Variants in PCDH15 observed in about 807,000 individuals in gnomAD.
The protein encoded by PCDH15 is protocadherin-15.
Under a neutral mutation model 178.5 loss-of-function variants are expected in PCDH15, and 129 were observed. The ratio of observed to expected loss-of-function variants is 0.72; its 90% CI spans 0.63 to 0.84. PCDH15 has a LOEUF of 0.84. Ranked by LOEUF, PCDH15 falls within the 40% of genes least tolerant of loss-of-function variation. PCDH15 has a pLI of 0.00. For missense variants in PCDH15, 2,230 were observed against 2,099.9 expected (o/e 1.06, Z -1.21); for synonymous variants, 800 against 732.0 (o/e 1.09, Z -1.50).
chr10:54,933,576 A>C lies in PCDH15; in HGVS notation c.-79-36076T>G, dbSNP rs139853575. ...CCTTGAAAATTTGTCTGATACAGGA[A>C]ATTTATCAGCATAAAGCTAATTGCC... On this transcript the variant is annotated intron_variant, in intron 2 of 5. Transcript: ENST00000458638. Among the ~76,000 whole-genome samples, 1,236 of 152,266 alleles carry C rather than the reference A, an allele frequency of 8.1e-3. 13 individuals are homozygous for C. The highest frequency in any genetic ancestry group is 0.028 in the African/African-American group (1,180 of 41,566).
chr10:54,443,345 G>T (rs9416357), intron 3 of PCDH15, among the ~76,000 whole-genome samples: 108,509 of 151,154 alleles, frequency 0.72, 40,228 homozygotes, highest in African/African-American at 0.82. Flanking sequence ...ACTCATCTTC[G>T]GAAGCCCCTG....
At chr10:54,497,042 T>C (rs1354242367) in intron 3 of PCDH15, among the ~76,000 whole-genome samples, 1 of 151,240 alleles carries the variant, frequency 6.6e-6, no homozygotes, top group Non-Finnish European at 1.5e-5. Flanking sequence ...CTTGTGGGAG[T>C]GTTACTGCCA....
At chr10:55,072,532 C>T (rs1163687215) in intron 2 of PCDH15, among the ~76,000 whole-genome samples, 1 of 152,086 alleles carries the variant, frequency 6.6e-6, no homozygotes, top group Non-Finnish European at 1.5e-5. Context: ...CATACACCCT[C>T]CCAAGACTAA....
chr10:54,086,020 C>T (rs145147434), intron 16 of PCDH15, among the ~76,000 whole-genome samples: 26 of 152,070 alleles, frequency 1.7e-4, no homozygotes, highest in African/African-American at 4.8e-4. Flanking sequence ...TGAGGTAGAA[C>T]ATTGTTTATT....
intron 1 of PCDH15, among the ~76,000 whole-genome samples, chr10:54,730,904 G>A (rs534634673): frequency 6.6e-6 from 1 of 151,400 alleles, no homozygotes; most frequent in African/African-American, 2.4e-5. Context: ...GCAAAATATA[G>A]ACATATGAAA....
At chr10:55,448,516 C>T (rs1839366019) in intron 2 of PCDH15, among the ~76,000 whole-genome samples, 3 of 151,630 alleles carry the variant, frequency 2.0e-5, no homozygotes, top group African/African-American at 7.3e-5. Flanking sequence ...GACAAAAACA[C>T]AATTTTTTTC....
intron 2 of PCDH15, among the ~76,000 whole-genome samples, chr10:55,568,760 T>C (rs933681095): frequency 6.6e-6 from 1 of 152,036 alleles, no homozygotes; most frequent in Non-Finnish European, 1.5e-5. Flanking sequence ...GAAAATGTAA[T>C]TTTTTGAGTC....
rs926285391 is a variant in PCDH15, at chr10:54,217,805, A to G, written c.986-3757T>C. ...GAGAGAGAGAGCTGATTTCAGGTCC[A>G]GGGCAGAAAATCAACAAATAGCTGT... On this transcript the variant is annotated intron_variant, in intron 9 of 37. Transcript: ENST00000644397. Among the ~76,000 whole-genome samples, 9 of 152,348 alleles carry G rather than the reference A, an allele frequency of 5.9e-5. 1 individual carries two copies. The South Asian group carries it at 1.9e-3, about 32-fold the overall frequency.
intron 3 of PCDH15, among the ~76,000 whole-genome samples, chr10:54,893,014 G>A (rs1954488483): frequency 6.6e-6 from 1 of 151,736 alleles, no homozygotes; most frequent in African/African-American, 2.4e-5. Flanking sequence ...TTCATGACAA[G>A]GAAATATAGA....
chr10:54,467,195 G>A (rs979466052), intron 3 of PCDH15, among the ~76,000 whole-genome samples: 1 of 151,692 alleles, frequency 6.6e-6, no homozygotes, highest in African/African-American at 2.4e-5. Context: ...GTACTATGAT[G>A]AACTGCAGTT....
intron 2 of PCDH15, among the ~76,000 whole-genome samples, chr10:55,063,626 T>G (rs1841494867): frequency 6.6e-6 from 1 of 152,152 alleles, no homozygotes; most frequent in African/African-American, 2.4e-5. Flanking sequence ...AGGGCATATT[T>G]CTTGTATTAT....
intron 18 of PCDH15, among the ~76,000 whole-genome samples, chr10:54,049,772 C>A (rs571140067): frequency 6.6e-6 from 1 of 152,208 alleles, no homozygotes; most frequent in South Asian, 2.1e-4. Flanking sequence ...AAGCACCCGC[C>A]ACCAAGCCTG....
At position 55,602,488 on chromosome 10, in the gene PCDH15, G is replaced by C. The variant is rs555455431; in HGVS notation, c.-156+25137C>G. ...AACCTCTGCAGACTTAAATGTCCCT[G>C]TCTGACAGCTTTGAAGAGAGCAGTG... On this transcript the variant is annotated intron_variant, in intron 2 of 5. Transcript: ENST00000613346. Among the ~76,000 whole-genome samples, 4 of 152,216 alleles carry C rather than the reference G, an allele frequency of 2.6e-5. 1 individual carries two copies. The South Asian group carries it at 8.3e-4, about 32-fold the overall frequency.
intron 26 of PCDH15, among the ~76,000 whole-genome samples, chr10:53,877,797 C>T (rs16937808): frequency 0.014 from 2,122 of 152,214 alleles, 41 homozygotes; most frequent in African/African-American, 0.048. Context: ...TACTTCCAGT[C>T]CATCAGCAAG....
At chr10:54,836,211 A>G (rs370044992) in intron 3 of PCDH15, among the ~76,000 whole-genome samples, 18 of 152,178 alleles carry the variant, frequency 1.2e-4, no homozygotes, top group East Asian at 7.7e-4. Context: ...TGAAGAACAG[A>G]GTCTAACTCT....
chr10:54,167,705 T>C (rs2046372653), intron 13 of PCDH15, among the ~76,000 whole-genome samples: 1 of 114,922 alleles, frequency 8.7e-6, no homozygotes, highest in African/African-American at 3.3e-5. Flanking sequence ...GTCCCGCTTT[T>C]CTACAGGGCA....
chr10:54,294,415 T>C (rs574348920), intron 8 of PCDH15, among the ~76,000 whole-genome samples: 9 of 152,310 alleles, frequency 5.9e-5, no homozygotes, highest in African/African-American at 2.2e-4. Flanking sequence ...TATACCTATG[T>C]ATTCAATCTG....
Position 54,664,209 on chromosome 10 carries a change from G to A in PCDH15, c.54C>T (p.Gly18=), listed in dbSNP as rs760104397. ...WTCLASGIIL[G]SLFEICLGQY... is the part of the protein sequence containing the mutation. ...GGCCCAAGCAGATTTCAAAGAGAGA[G>A]CCCAGGATGATCCCTGAAGCTAAAC... is the stretch of plus-strand genomic sequence containing the variant. The change falls in exon 2 of 38, where the codon GGC becomes GGT. Residue 18 remains glycine, a synonymous_variant. Coordinates refer to ENST00000644397, the MANE Select transcript of PCDH15 (RefSeq NM_001384140.1). The A allele has an allele frequency of 1.2e-6, 2 of 1,612,160 alleles. No homozygotes were observed. The highest frequency in any genetic ancestry group is 8.5e-7 in the Non-Finnish European group (1 of 1,178,840).
chr10:55,166,822 T>C (rs1272069918), intron 1 of PCDH15, among the ~76,000 whole-genome samples: 2 of 152,190 alleles, frequency 1.3e-5, no homozygotes, highest in East Asian at 3.9e-4. Context: ...ATTGCAAGAA[T>C]CTTAAATATA....
Sources: allele counts gnomAD v4.1 joint callset (sites outside exome capture counted in the v4.1 genomes callset), GRCh38; gene constraint gnomAD v4.1.1; transcripts MANE v1.5; gene names NCBI Gene and HGNC (gene_info 2026-07-23, HGNC 2026-07-21).